The following DIS3L2 variants were observed in gnomAD, a reference collection of about 807,000 sequenced individuals.
The protein encoded by DIS3L2 is DIS3 like 3'-5' exoribonuclease 2, also known as DIS3-like exonuclease 2.
Under a neutral mutation model 97.5 loss-of-function variants are expected in DIS3L2, and 34 were observed. That is an observed-to-expected ratio of 0.35 (90% confidence interval 0.27 to 0.46). The LOEUF (loss-of-function observed/expected upper bound fraction) is 0.46, where lower values mean the gene tolerates loss of function less well. Ranked by LOEUF, DIS3L2 falls within the 20% of genes least tolerant of loss-of-function variation. The probability of loss-of-function intolerance (pLI) is 1.00; values close to 1 mark genes in which losing one functional copy is unlikely to be tolerated. For missense variants in DIS3L2, 1,038 were observed against 1,146.0 expected (o/e 0.91, Z 1.36); for synonymous variants, 435 against 445.2 (o/e 0.98, Z 0.29).
At chr2:231,994,669 A>G (rs1438317823) in intron 1 of DIS3L2, among the ~76,000 whole-genome samples, 1 of 152,200 alleles carries the variant, frequency 6.6e-6, no homozygotes, top group Non-Finnish European at 1.5e-5. Context: ...GAGAAAGTCT[A>G]GTACTAGTAC....
chr2:232,126,769 G>C (rs1281769960), intron 6 of DIS3L2, among the ~76,000 whole-genome samples: 1 of 152,160 alleles, frequency 6.6e-6, no homozygotes, highest in African/African-American at 2.4e-5. Flanking sequence ...CTCCCACAGG[G>C]CCATTCTACC....
At position 232,269,797 on chromosome 2, in the gene DIS3L2, A is replaced by C. The variant is rs1001362148; in HGVS notation, c.1659+6357A>C. On this transcript the variant is annotated intron_variant, in intron 13 of 20. Transcript: ENST00000325385. The surrounding 1 kb of genome is among the most constrained non-coding windows in gnomAD (Gnocchi z 4.5). ...AGAGGAGACACAGGCTAGGCCTTGG[A>C]GTCTGTAGGAATGAACCAGGGCAGC... Among the ~76,000 whole-genome samples, 10 of 152,134 alleles carry C rather than the reference A, an allele frequency of 6.6e-5. No homozygotes were observed. The highest frequency in any genetic ancestry group is 2.4e-4 in the African/African-American group (10 of 41,398).
chr2:232,302,599 C>T (rs1446772579), intron 14 of DIS3L2, among the ~76,000 whole-genome samples: 3 of 146,974 alleles, frequency 2.0e-5, no homozygotes, highest in Non-Finnish European at 4.5e-5. Flanking sequence ...TTGCTTTTGT[C>T]ACCCAGCCTG....
chr2:231,997,554 G>C (rs933447285), intron 1 of DIS3L2, among the ~76,000 whole-genome samples: 2 of 152,174 alleles, frequency 1.3e-5, no homozygotes, highest in South Asian at 4.1e-4. Flanking sequence ...TGTATTCCAT[G>C]TTAGGGGTAT....
intron 12 of DIS3L2, among the ~76,000 whole-genome samples, chr2:232,254,887 G>C (rs143336206): frequency 5.9e-5 from 9 of 152,316 alleles, no homozygotes; most frequent in Non-Finnish European, 1.2e-4. Flanking sequence ...GTTTGGACTA[G>C]AGACAGAGTT....
At chr2:232,084,760 TAAA>T (rs1696521654) in intron 5 of DIS3L2, among the ~76,000 whole-genome samples, 1 of 149,482 alleles carries the variant, frequency 6.7e-6, no homozygotes, top group African/African-American at 2.5e-5. Context: ...ACCAAGTTTT[TAAA>T]AAAGTTTGCT....
At chr2:232,132,658 G>T (rs1488273941) in intron 7 of DIS3L2, among the ~76,000 whole-genome samples, 1 of 152,102 alleles carries the variant, frequency 6.6e-6, no homozygotes, top group Non-Finnish European at 1.5e-5. Flanking sequence ...ATATCTAACA[G>T]AAATCCCTCC....
intron 5 of DIS3L2, among the ~76,000 whole-genome samples, chr2:232,036,353 T>C (rs1694949502): frequency 6.6e-6 from 1 of 152,236 alleles, no homozygotes; most frequent in South Asian, 2.1e-4. Context: ...TCTCATGCTG[T>C]GTTTTTTAGC....
intron 8 of DIS3L2, among the ~76,000 whole-genome samples, chr2:232,146,017 G>A (rs1478127176): frequency 1.3e-5 from 2 of 152,188 alleles, no homozygotes; most frequent in African/African-American, 4.8e-5. Context: ...TACTGATGAG[G>A]CAGATCCACT....
chr2:232,034,277 A>T (rs182336429), intron 5 of DIS3L2, among the ~76,000 whole-genome samples: 10 of 152,136 alleles, frequency 6.6e-5, no homozygotes, highest in Admixed American at 6.5e-4. Context: ...GTATTCTCTG[A>T]TGGTAGTTTG....
chr2:232,024,523 G>C (rs115802654), intron 4 of DIS3L2, among the ~76,000 whole-genome samples, 193 bp downstream of exon 4: 171 of 152,138 alleles, frequency 1.1e-3, no homozygotes, highest in African/African-American at 3.9e-3. Context: ...TCTTAAAATC[G>C]CATGCCAAAT....
Position 232,149,283 on chromosome 2 carries a change from GT to G in DIS3L2, c.950+12565del, listed in dbSNP as rs540959812. ...ACATATGTATACATGTGCCATGCTG[GT>G]GTGCTGCACCCACTAATGTGTCATC... On this transcript the variant is annotated intron_variant, in intron 8 of 20. Transcript: ENST00000325385. Among the ~76,000 whole-genome samples, 34 of 145,160 alleles carry G rather than the reference GT, an allele frequency of 2.3e-4. No individual in the cohort carries two copies. The South Asian group carries it at 6.6e-3, about 28-fold the overall frequency.
At chr2:232,051,203 G>T (rs1311685603) in intron 5 of DIS3L2, among the ~76,000 whole-genome samples, 1 of 152,090 alleles carries the variant, frequency 6.6e-6, no homozygotes, top group Non-Finnish European at 1.5e-5. Flanking sequence ...CTGGGCTTTA[G>T]GGGCCTCACC....
chr2:232,025,379 T>C (rs959452571), intron 4 of DIS3L2, among the ~76,000 whole-genome samples: 1 of 152,192 alleles, frequency 6.6e-6, no homozygotes, highest in African/African-American at 2.4e-5. Flanking sequence ...CAAGTGATAT[T>C]ATTGTTATTG....
rs773592705 is a variant in DIS3L2 at position 232,330,767 on chromosome 2, G to T, written c.2001G>T (p.Arg667=). ...RKEVLTNMCS[R]PMQMALYFCS... is the part of the protein sequence containing the mutation. ...AGGTGCTCACCAACATGTGCTCCCG[G>T]CCCATGCAGGTAAGGAGGGCCCAGC... The change falls in exon 16 of 21, where the codon CGG becomes CGT. Residue 667 remains arginine, a synonymous_variant. Transcript: ENST00000325385. The T allele has an allele frequency of 1.2e-6, 2 of 1,611,180 alleles. No individual in the cohort carries two copies. Among genetic ancestry groups the T allele is most frequent in the African/African-American group, 1.3e-5 (1 of 74,942 alleles).
chr2:232,258,706 C>T (rs1221772552), intron 12 of DIS3L2, among the ~76,000 whole-genome samples: 1 of 151,836 alleles, frequency 6.6e-6, no homozygotes, highest in African/African-American at 2.4e-5. Flanking sequence ...GTGAAAAACT[C>T]TGTCCTTTTG....
chr2:232,186,862 C>T (rs1030269778), intron 9 of DIS3L2, among the ~76,000 whole-genome samples: 5 of 152,018 alleles, frequency 3.3e-5, no homozygotes, highest in African/African-American at 9.7e-5. Flanking sequence ...CTAGAAATCT[C>T]TTAGGAGAAA....
At chr2:232,055,763 A>G (rs1001807132) in intron 5 of DIS3L2, among the ~76,000 whole-genome samples, 4 of 152,230 alleles carry the variant, frequency 2.6e-5, no homozygotes, top group African/African-American at 9.6e-5. Context: ...GGTATTTAGT[A>G]TAAGGAGAGA....
At chr2:232,164,051 A>C (rs549550684) in intron 9 of DIS3L2, among the ~76,000 whole-genome samples, 1 of 152,324 alleles carries the variant, frequency 6.6e-6, no homozygotes, top group East Asian at 1.9e-4. Context: ...AGCCAAAAGT[A>C]GTTACTGTCA....
Sources: gnomAD v4.1 joint callset for allele counts (sites outside exome capture counted in the v4.1 genomes callset) on GRCh38, gnomAD v4.1.1 for gene constraint, Gnocchi (gnomAD v3.1) non-coding constraint, MANE v1.5 for transcripts, NCBI Gene and HGNC (gene_info 2026-07-23, HGNC 2026-07-21) for gene names.